The following PCDHA4 variants were observed in gnomAD, a reference collection of about 807,000 sequenced individuals.
The protein encoded by PCDHA4 is protocadherin alpha-4.
Under a neutral mutation model 61.4 loss-of-function variants are expected in PCDHA4, and 49 were observed. The ratio of observed to expected loss-of-function variants is 0.80; its 90% CI spans 0.63 to 1.01. The LOEUF (loss-of-function observed/expected upper bound fraction) is 1.01, where lower values mean the gene tolerates loss of function less well. Among genes scored for constraint, PCDHA4 ranks in the 50% least tolerant of loss-of-function variants. PCDHA4 has a pLI of 0.00. For synonymous variants in PCDHA4, 590 were observed against 550.3 expected (o/e 1.07, Z -1.01); for missense variants, 1,254 against 1,235.8 (o/e 1.01, Z -0.22).
intron 1 of PCDHA4, chr5:140,860,355 TG>T (rs1218123475): frequency 1.3e-5 from 2 of 152,074 alleles, no homozygotes; most frequent in African/African-American, 2.4e-5. Context: ...CACTCCAGCC[TG>T]GATGACAAAG....
intron 1 of PCDHA4, chr5:140,968,903 A>G: frequency 6.2e-7 from 1 of 1,614,216 alleles, no homozygotes; most frequent in Non-Finnish European, 8.5e-7. Context: ...AATAGCATTA[A>G]GCACAGTGTC....
chr5:140,965,440 T>C (rs1028835719), intron 1 of PCDHA4, among the ~76,000 whole-genome samples: 42 of 151,984 alleles, frequency 2.8e-4, no homozygotes, highest in Admixed American at 1.3e-4. Context: ...GTCATTGAAA[T>C]TGCTGGTTAT....
chr5:140,864,251 T>C (rs2048389187), intron 1 of PCDHA4: 1 of 152,248 alleles, frequency 6.6e-6, no homozygotes, highest in South Asian at 2.1e-4. Context: ...TTCATTTTCT[T>C]ATTCTGATTT....
chr5:140,919,957 G>GC (rs2079372992), intron 1 of PCDHA4, among the ~76,000 whole-genome samples: 1 of 148,640 alleles, frequency 6.7e-6, no homozygotes, highest in Non-Finnish European at 1.5e-5. Flanking sequence ...AGTTTGTTTT[G>GC]TTTTTTAAAT....
At chr5:140,986,085 TCA>T (rs1395722991) in intron 3 of PCDHA4, among the ~76,000 whole-genome samples, 1 of 152,182 alleles carries the variant, frequency 6.6e-6, no homozygotes, top group Non-Finnish European at 1.5e-5. Context: ...TCATTTATTT[TCA>T]CAGTCTGCAA....
At chr5:140,933,392 T>C (rs1298872630) in intron 1 of PCDHA4, among the ~76,000 whole-genome samples, 3 of 152,044 alleles carry the variant, frequency 2.0e-5, no homozygotes, top group Non-Finnish European at 2.9e-5. Context: ...CCTAGAGCCA[T>C]CTGGTTACCA....
chr5:140,845,723 T>A (rs1461937173), intron 1 of PCDHA4, among the ~76,000 whole-genome samples: 7 of 149,666 alleles, frequency 4.7e-5, no homozygotes, highest in African/African-American at 1.5e-4. Context: ...GCATGATAAA[T>A]GTGAATTCTA....
At chr5:140,856,346 GAGTGC>G in intron 1 of PCDHA4, 1 of 1,598,632 alleles carries the variant, frequency 6.3e-7, no homozygotes, top group South Asian at 1.1e-5. Context: ...GCGGAGCGTG[GAGTGC>G]AGCATCCACC....
At chr5:140,877,980 T>C in intron 1 of PCDHA4, 1 of 1,219,572 alleles carries the variant, frequency 8.2e-7, no homozygotes. Flanking sequence ...TTCTTACTCA[T>C]TTTGAACTTT....
chr5:140,975,527 A>G (rs782267941), intron 1 of PCDHA4, among the ~76,000 whole-genome samples: 2 of 152,220 alleles, frequency 1.3e-5, no homozygotes, highest in Non-Finnish European at 2.9e-5. Context: ...CAGTGGATAT[A>G]TTCTTAATAC....
intron 1 of PCDHA4, chr5:140,861,416 C>A (rs1053647411): frequency 8.4e-6 from 4 of 476,934 alleles, no homozygotes; most frequent in African/African-American, 6.0e-5. Context: ...TGATACCGCG[C>A]CTGTTTCAGT....
chr5:140,882,605 C>T (rs1554174797), intron 1 of PCDHA4: 2 of 1,614,120 alleles, frequency 1.2e-6, no homozygotes, highest in Non-Finnish European at 1.7e-6. Context: ...CGTGGACAGG[C>T]CTCTGCAGGT....
At chr5:140,928,326 C>T (rs1554205788) in intron 1 of PCDHA4, 1 of 1,614,162 alleles carries the variant, frequency 6.2e-7, no homozygotes, top group Non-Finnish European at 8.5e-7. Context: ...GGAAGAATGG[C>T]CTTGTCTCTT....
chr5:141,001,253 C>G (rs896546841), intron 3 of PCDHA4, among the ~76,000 whole-genome samples: 1 of 152,078 alleles, frequency 6.6e-6, no homozygotes, highest in East Asian at 1.9e-4. Context: ...CCCTATGGGG[C>G]GGGCACTCTT....
At chr5:140,835,406 G>A (rs1773617181) in intron 1 of PCDHA4, 1 of 1,613,856 alleles carries the variant, frequency 6.2e-7, no homozygotes, top group African/African-American at 1.3e-5. Context: ...TGGAAGTTGT[G>A]GATGTAAATG....
chr5:140,833,359 A>G (rs1015586759), intron 1 of PCDHA4, among the ~76,000 whole-genome samples: 1 of 152,216 alleles, frequency 6.6e-6, no homozygotes, highest in South Asian at 2.1e-4. Context: ...AAACGAACAC[A>G]GTAAGGTAGA....
chr5:140,967,185 A>G, intron 1 of PCDHA4: 1 of 1,613,242 alleles, frequency 6.2e-7, no homozygotes, highest in Non-Finnish European at 8.5e-7. Context: ...GAAATATTGG[A>G]CATCAACGAC....
chr5:140,859,825 T>C (rs752840072), intron 1 of PCDHA4: 1 of 152,250 alleles, frequency 6.6e-6, no homozygotes, highest in Admixed American at 6.5e-5. Flanking sequence ...AGTTTAGAAG[T>C]GTATTTGTTA....
At chr5:140,923,878 G>A (rs1475731417) in intron 1 of PCDHA4, among the ~76,000 whole-genome samples, 3 of 152,192 alleles carry the variant, frequency 2.0e-5, no homozygotes, top group Non-Finnish European at 4.4e-5. Context: ...TCTGAGAAGC[G>A]TGTGAAAGAG....
Sources: allele counts gnomAD v4.1 joint callset (sites outside exome capture counted in the v4.1 genomes callset), GRCh38; gene constraint gnomAD v4.1.1; transcripts MANE v1.5; gene names NCBI Gene and HGNC (gene_info 2026-07-23, HGNC 2026-07-21).